The following MIER2 variants were observed in gnomAD, a reference collection of about 807,000 sequenced individuals.
MIER2 encodes MIER family member 2, also known as mesoderm induction early response protein 2.
A neutral mutation model predicts 67.6 loss-of-function variants in MIER2; 30 were observed. The observed-to-expected ratio is 0.44, with a 90% confidence interval of 0.33 to 0.60. The LOEUF is 0.60. MIER2 is among the 20% of genes least tolerant of loss of function. The probability of loss-of-function intolerance (pLI) is 0.02; values close to 1 mark genes in which losing one functional copy is unlikely to be tolerated. For synonymous variants in MIER2, 372 were observed against 312.6 expected (o/e 1.19, Z -2.00); for missense variants, 702 against 745.1 (o/e 0.94, Z 0.67).
chr19:307,276 C>T lies in MIER2; in HGVS notation c.1459G>A (p.Val487Met), dbSNP rs140839810. ...PKELPLISSHVDLSGDPEETV... is the reference protein window; with the variant it reads ...PKELPLISSHMDLSGDPEETV... ...TCCTCCGGATCCCCGCTGAGGTCCA[C>T]ATGGCTGGAGATGAGGGGCAGCTCC... The change falls in exon 13 of 14, where the codon GTG (valine) becomes ATG (methionine). Residue 487 changes from valine to methionine, a missense_variant. By Grantham distance (21) the Val-to-Met change is conservative. This residue lies in a region of MIER2 where 254 missense variants were observed against 262.8 expected (regional missense o/e 0.97). Transcript: ENST00000264819. 3.3e-5 allele frequency: 52 copies of T among 1,599,550 alleles called. No individual in the cohort carries two copies. The highest frequency in any genetic ancestry group is 3.3e-4 in the Middle Eastern group (2 of 6,072).
At chr19:341,337 AT>A in intron 1 of MIER2, among the ~76,000 whole-genome samples, 1 of 152,248 alleles carries the variant, frequency 6.6e-6, no homozygotes, top group East Asian at 1.9e-4. Flanking sequence ...GAGTTAACAT[AT>A]GGCCCCAGGA....
chr19:328,766 A>G (rs1004592222), intron 3 of MIER2, among the ~76,000 whole-genome samples: 7 of 152,164 alleles, frequency 4.6e-5, no homozygotes, highest in Non-Finnish European at 8.8e-5. Flanking sequence ...AAAAAAGAAG[A>G]AAACTATGTA....
chr19:344,506 G>A (rs1025300213), intron 1 of MIER2: 27 of 439,270 alleles, frequency 6.1e-5, no homozygotes, highest in Non-Finnish European at 7.8e-5. Context: ...CCCCCACCCC[G>A]GCCCCCGCCC....
chr19:324,458 C>T (rs562754670), intron 7 of MIER2, among the ~76,000 whole-genome samples: 5 of 137,002 alleles, frequency 3.6e-5, no homozygotes, highest in Admixed American at 7.5e-5. Context: ...ATGACACAGA[C>T]GTCATCACAA....
In MIER2 at chr19:307,166, G is replaced by A. The variant is rs1214256467; in HGVS notation, c.1569C>T (p.Ala523=). ...GCCCGGGGGCCGGGCACGTGGGGTG[G>A]GCGGCCAGGAAGGGGTTCACGTCCC... is the stretch of plus-strand genomic sequence containing the variant. ...GIGDVNPFLA[A]HPTCPAPGLH... The change falls in exon 13 of 14, where the codon GCC becomes GCT. Residue 523 remains alanine (A), a synonymous_variant. Coordinates refer to ENST00000264819, the MANE Select transcript of MIER2 (RefSeq NM_017550.3). 9 of 1,588,602 alleles carry A rather than the reference G, an allele frequency of 5.7e-6. No homozygotes were observed. Among genetic ancestry groups the A allele is most frequent in the African/African-American group, 1.3e-5 (1 of 74,564 alleles).
At position 336,093 on chromosome 19, in the gene MIER2, C is replaced by T. The variant is rs148397812; in HGVS notation, c.90G>A (p.Gln30=). ...GAGGGAGGAAGGTACCTGCTGTTGT[C>T]TGCAAGCCCGGCTCCCCTGGGCACA... is the stretch of plus-strand genomic sequence containing the variant. ...HSLCPGEPGL[Q]TTAVVSMGSG... Residue 30 remains glutamine, a synonymous_variant, in exon 2 of 14, where the codon CAG becomes CAA. Transcript: ENST00000264819. 4 of 1,613,694 alleles carry T rather than the reference C, an allele frequency of 2.5e-6. No individual in the cohort carries two copies. The highest frequency in any genetic ancestry group is 3.4e-6 in the Non-Finnish European group (4 of 1,179,804).
intron 7 of MIER2, among the ~76,000 whole-genome samples, chr19:323,368 A>G (rs1971584338): frequency 7.9e-6 from 1 of 126,732 alleles, no homozygotes; most frequent in Non-Finnish European, 1.8e-5. Flanking sequence ...ACAATGCAGT[A>G]AAGACACACA....
intron 3 of MIER2, among the ~76,000 whole-genome samples, chr19:330,661 G>A (rs1243025405): frequency 6.6e-6 from 1 of 152,120 alleles, no homozygotes; most frequent in Non-Finnish European, 1.5e-5. Context: ...CATTTACAGA[G>A]GTAATTAAGG....
In MIER2 at chr19:306,679, G is replaced by T. The variant is rs759081153; in HGVS notation, c.*11C>A. On this transcript the variant is annotated 3_prime_UTR_variant, in exon 14 of 14. Coordinates refer to ENST00000264819, the MANE Select transcript of MIER2 (RefSeq NM_017550.3). ...CCAGTCTGGGCCGCATACGCCGCCC[G>T]CGGCCAGGAGTCAGCAGGTCATCAC... is the stretch of plus-strand genomic sequence containing the variant. 5 of 1,555,880 alleles carry T rather than the reference G, an allele frequency of 3.2e-6. No individual in the cohort carries two copies. The African/African-American group carries it at 6.8e-5, about 21-fold the overall frequency.
chr19:323,953 CCACA>C (rs1182587139), intron 7 of MIER2, among the ~76,000 whole-genome samples: 1 of 149,446 alleles, frequency 6.7e-6, no homozygotes, highest in South Asian at 2.1e-4. Flanking sequence ...ACACACACAA[CCACA>C]CAGACGACTC....
chr19:336,088 G>A lies in MIER2; in HGVS notation c.95C>T (p.Thr32Ile). Residue 32 changes from threonine to isoleucine, a missense_variant, in exon 2 of 14, where the codon ACA (threonine) becomes ATA (isoleucine). By Grantham distance (89) the Thr-to-Ile change is moderately conservative. Coordinates refer to ENST00000264819, the MANE Select transcript of MIER2 (RefSeq NM_017550.3). ...LCPGEPGLQT[T>I]AVVSMGSGDH... Reference sequence around the variant, plus strand: ...GGAAGGAGGGAGGAAGGTACCTGCTGTTGTCTGCAAGCCCGGCTCCCCTGG... The same window carrying A: ...GGAAGGAGGGAGGAAGGTACCTGCTATTGTCTGCAAGCCCGGCTCCCCTGG... 6.2e-7 allele frequency: 1 copy of A among 1,613,706 alleles called. No individual in the cohort carries two copies. The highest frequency in any genetic ancestry group is 8.5e-7 in the Non-Finnish European group (1 of 1,179,722).
At chr19:334,690 C>T in intron 2 of MIER2, 148 bp from the exon 3 acceptor site, 1 of 1,044,166 alleles carries the variant, frequency 9.6e-7, no homozygotes, top group Admixed American at 2.9e-5. Context: ...AACAGGACAC[C>T]CCACGACTAA....
At chr19:343,833 G>A (rs1011707872) in intron 1 of MIER2, 16 of 984,826 alleles carry the variant, frequency 1.6e-5, no homozygotes, top group Non-Finnish European at 3.6e-6. Context: ...ATCTTCACCA[G>A]GGCCCTCCAA....
At chr19:321,916 T>A (rs1235911478) in intron 7 of MIER2, among the ~76,000 whole-genome samples, 1 of 152,070 alleles carries the variant, frequency 6.6e-6, no homozygotes. Context: ...TTTTATTTTT[T>A]ATTTTTGAGA....
intron 7 of MIER2, among the ~76,000 whole-genome samples, chr19:317,835 G>A (rs1170127309): frequency 2.6e-5 from 4 of 151,716 alleles, no homozygotes; most frequent in African/African-American, 7.3e-5. Context: ...ATAATTACAT[G>A]ACATACAAGT....
chr19:332,433 C>G (rs1972070644), intron 3 of MIER2, among the ~76,000 whole-genome samples: 1 of 151,334 alleles, frequency 6.6e-6, no homozygotes. Flanking sequence ...CCTTTGAGTG[C>G]TGGGATTACA....
chr19:308,603 T>C lies in MIER2; in HGVS notation c.1172A>G (p.Gln391Arg). 6.2e-7 allele frequency: 1 copy of C among 1,606,822 alleles called. No individual in the cohort carries two copies. Residue 391 changes from glutamine to arginine, a missense_variant, in exon 12 of 14, where the codon CAA becomes CGA. Gln to Arg is a conservative substitution (Grantham distance 43). Coordinates refer to ENST00000264819, the MANE Select transcript of MIER2 (RefSeq NM_017550.3). This position sits in a 1 kb window ranked among gnomAD's most constrained non-coding sequence, Gnocchi z 9.1. ...TGTGCGCATCCCAGTCAGGGTGTCT[T>C]GCTCCGGGCGCGGACGGCCGGGGCC... ...PDGPGRPRPE[Q>R]DTLTGMRTDP...
intron 1 of MIER2, chr19:343,751 G>A (rs748818510): frequency 8.0e-6 from 6 of 754,494 alleles, no homozygotes; most frequent in Non-Finnish European, 9.7e-6. Context: ...TCTGCGCACA[G>A]AAGTCATGCA....
chr19:311,683 G>A (rs1971009019), intron 10 of MIER2, among the ~76,000 whole-genome samples, 162 bp downstream of exon 10: 2 of 152,238 alleles, frequency 1.3e-5, no homozygotes, highest in African/African-American at 4.8e-5. Context: ...ACAGCAGTCA[G>A]TAGCAAAAAA....
Sources: allele counts gnomAD v4.1 joint callset (sites outside exome capture counted in the v4.1 genomes callset), GRCh38; gene constraint gnomAD v4.1.1; regional missense constraint gnomAD v4.1.1; non-coding constraint Gnocchi (gnomAD v3.1); transcripts MANE v1.5; gene names NCBI Gene and HGNC (gene_info 2026-07-23, HGNC 2026-07-21).